Variants in ERBB4 observed in about 807,000 individuals in gnomAD.
ERBB4 encodes receptor tyrosine-protein kinase erbB-4.
In ERBB4, 42 loss-of-function variants were observed where a neutral mutation model predicts 158.0. The ratio of observed to expected loss-of-function variants is 0.27; its 90% confidence interval spans 0.21 to 0.34. The LOEUF is 0.34. ERBB4 is among the 10% of genes least tolerant of loss of function. The probability of loss-of-function intolerance (pLI) is 1.00; values close to 1 mark genes in which losing one functional copy is unlikely to be tolerated. For missense variants in ERBB4, 1,333 were observed against 1,624.1 expected, an observed-to-expected ratio of 0.82 and a Z score of 3.08; for synonymous variants, 583 against 558.7, an observed-to-expected ratio of 1.04 and a Z score of -0.61.
intron 17 of ERBB4, among the ~76,000 whole-genome samples, chr2:211,629,758 T>C (rs6435642): frequency 0.94 from 142,673 of 151,902 alleles, 67,443 homozygotes; most frequent in East Asian, 1. Flanking sequence ...CTACAACTAT[T>C]TGATCTTTGA....
chr2:211,610,199 T>C (rs1406464080), intron 19 of ERBB4, among the ~76,000 whole-genome samples: 1 of 152,140 alleles, frequency 6.6e-6, no homozygotes, highest in Non-Finnish European at 1.5e-5. Flanking sequence ...GATGTGTCTT[T>C]TTATTAGACT....
At chr2:212,283,048 A>T (rs191274508) in intron 1 of ERBB4, among the ~76,000 whole-genome samples, 303 of 152,030 alleles carry the variant, frequency 2.0e-3, no homozygotes, top group African/African-American at 5.8e-3. Context: ...CAGGGACAAA[A>T]CAATTCTAAT....
At chr2:212,394,927 C>T (rs1243879338) in intron 1 of ERBB4, among the ~76,000 whole-genome samples, 1 of 152,104 alleles carries the variant, frequency 6.6e-6, no homozygotes, top group African/African-American at 2.4e-5. Context: ...TGGATCAAAT[C>T]TAAGTTAAGA....
At chr2:211,985,801 C>T (rs1473726042) in intron 2 of ERBB4, among the ~76,000 whole-genome samples, 1 of 151,836 alleles carries the variant, frequency 6.6e-6, no homozygotes, top group Non-Finnish European at 1.5e-5. Flanking sequence ...AAAAATCTTG[C>T]TTAAGAGAAA....
At chr2:212,364,910 TGTGA>T (rs1368658750) in intron 1 of ERBB4, among the ~76,000 whole-genome samples, 5 of 122,458 alleles carry the variant, frequency 4.1e-5, no homozygotes, top group Admixed American at 7.5e-5. Context: ...TGTGTGTGTG[TGTGA>T]GTGTGTGTGT....
intron 3 of ERBB4, among the ~76,000 whole-genome samples, chr2:211,878,657 G>GTTTTTTTTTTTTTTTTTTTTTT (rs56379006): frequency 7.5e-6 from 1 of 133,892 alleles, no homozygotes; most frequent in African/African-American, 2.8e-5. Flanking sequence ...ATTAAGTTTT[G>GTTTTTTTTTTTTTTTTTTTTTT]TTTTTTTTTT....
At chr2:212,283,627 T>A (rs1186889738) in intron 1 of ERBB4, among the ~76,000 whole-genome samples, 1 of 152,004 alleles carries the variant, frequency 6.6e-6, no homozygotes, top group Non-Finnish European at 1.5e-5. Flanking sequence ...CTAGTTTAAA[T>A]GCTGAATTTG....
At chr2:212,278,215 T>C (rs77101837) in intron 1 of ERBB4, among the ~76,000 whole-genome samples, 1 of 151,884 alleles carries the variant, frequency 6.6e-6, no homozygotes, top group Non-Finnish European at 1.5e-5. Context: ...AATGTACACA[T>C]AAAATATTGG....
chr2:211,942,587 C>A (rs1247829455), intron 3 of ERBB4, among the ~76,000 whole-genome samples: 1 of 151,998 alleles, frequency 6.6e-6, no homozygotes, highest in African/African-American at 2.4e-5. Flanking sequence ...TTGAGGGCTT[C>A]TAGGTATAAC....
intron 1 of ERBB4, among the ~76,000 whole-genome samples, chr2:212,178,095 T>C (rs1363085338): frequency 6.6e-5 from 10 of 151,604 alleles, no homozygotes; most frequent in East Asian, 1.9e-4. Context: ...AAAGTGGTGA[T>C]AGATAAGGCC....
intron 2 of ERBB4, among the ~76,000 whole-genome samples, chr2:212,075,428 T>C (rs35853366): frequency 0.19 from 28,823 of 151,834 alleles, 3,629 homozygotes; most frequent in Non-Finnish European, 0.28. Flanking sequence ...TAATTATATG[T>C]CAGGCATTTT....
At chr2:212,198,265 A>C (rs1012432268) in intron 1 of ERBB4, among the ~76,000 whole-genome samples, 8 of 152,162 alleles carry the variant, frequency 5.3e-5, no homozygotes, top group Non-Finnish European at 1.2e-4. Flanking sequence ...ATTCAATGGC[A>C]TTAAGTACAT....
intron 8 of ERBB4, 87 bp downstream of exon 8, chr2:211,713,448 T>C: frequency 1.3e-6 from 1 of 784,474 alleles, no homozygotes; most frequent in African/African-American, 1.7e-5. Flanking sequence ...AGTGGGTTTA[T>C]ATTAAAAAGT....
At chr2:211,406,909 C>T (rs1448420249) in intron 25 of ERBB4, among the ~76,000 whole-genome samples, 1 of 151,762 alleles carries the variant, frequency 6.6e-6, no homozygotes, top group Non-Finnish European at 1.5e-5. Context: ...GGCAAAAACC[C>T]ACCTCAACAA....
chr2:212,240,211 G>A (rs1357702576), intron 1 of ERBB4, among the ~76,000 whole-genome samples: 1 of 152,040 alleles, frequency 6.6e-6, no homozygotes, highest in Non-Finnish European at 1.5e-5. Flanking sequence ...CCCAAAATAT[G>A]GTACCTTGGC....
chr2:212,056,769 T>C (rs894396705), intron 2 of ERBB4, among the ~76,000 whole-genome samples: 5 of 152,070 alleles, frequency 3.3e-5, no homozygotes, highest in African/African-American at 9.7e-5. Context: ...ACAGGAGCTC[T>C]TGAAGGAAGC....
chr2:212,186,560 A>G (rs1254466072), intron 1 of ERBB4, among the ~76,000 whole-genome samples: 1 of 152,078 alleles, frequency 6.6e-6, no homozygotes, highest in African/African-American at 2.4e-5. Context: ...TTTTAACCAA[A>G]TTTTACTCAA....
chr2:211,414,500 TAAAAAAAAAAA>T (rs71047174), intron 25 of ERBB4, among the ~76,000 whole-genome samples: 3 of 102,128 alleles, frequency 2.9e-5, no homozygotes, highest in Non-Finnish European at 4.1e-5. Context: ...CAGTCTCAAT[TAAAAAAAAAAA>T]AAAAAAAAAA....
intron 1 of ERBB4, among the ~76,000 whole-genome samples, chr2:212,411,175 A>G (rs1403023711): frequency 6.6e-6 from 1 of 152,136 alleles, no homozygotes; most frequent in African/African-American, 2.4e-5. Context: ...TTTTAAAAAT[A>G]AATTAATTGA....
Sources: gnomAD v4.1 joint callset for allele counts (sites outside exome capture counted in the v4.1 genomes callset) on GRCh38, gnomAD v4.1.1 for gene constraint, MANE v1.5 for transcripts, NCBI Gene and HGNC (gene_info 2026-07-23, HGNC 2026-07-21) for gene names.